AQR: variants seen among roughly 807,000 people sequenced by gnomAD.
AQR encodes the protein RNA helicase aquarius.
AQR carries 61 observed loss-of-function variants against 180.5 expected under a neutral mutation model. The ratio of observed to expected loss-of-function variants is 0.34; its 90% CI spans 0.28 to 0.42. The LOEUF is 0.42. Among genes scored for constraint, AQR ranks in the 10% least tolerant of loss-of-function variants. The pLI, the probability that AQR is intolerant of heterozygous loss-of-function variation, is 1.00. For synonymous variants in AQR, 551 were observed against 588.8 expected, an observed-to-expected ratio of 0.94 and a Z score of 0.93; for missense variants, 1,281 against 1,798.3, an observed-to-expected ratio of 0.71 and a Z score of 5.20.
intron 19 of AQR, 146 bp downstream of exon 19, chr15:34,904,190 T>C: frequency 2.1e-6 from 1 of 467,322 alleles, no homozygotes; most frequent in Non-Finnish European, 3.5e-6. Flanking sequence ...TTGTTAAAAG[T>C]TTAAGAGGAT....
At chr15:34,937,206 T>A (rs957545877) in intron 9 of AQR, among the ~76,000 whole-genome samples, 1 of 151,824 alleles carries the variant, frequency 6.6e-6, no homozygotes, top group Non-Finnish European at 1.5e-5. Context: ...CCTGGCTAAT[T>A]TTTTGTCTTT....
chr15:34,873,765 GA>G, intron 30 of AQR, 62 bp downstream of exon 30: 1 of 1,377,356 alleles, frequency 7.3e-7, no homozygotes. Context: ...AAGTATCACT[GA>G]TTTAGGCATA....
At chr15:34,958,157 G>A (rs1474241397) in intron 3 of AQR, among the ~76,000 whole-genome samples, 3 of 152,098 alleles carry the variant, frequency 2.0e-5, no homozygotes, top group Non-Finnish European at 4.4e-5. Context: ...GCAGTGAGCC[G>A]AGATCATGCC....
At chr15:34,861,584 C>A (rs147163908) in intron 33 of AQR, among the ~76,000 whole-genome samples, 1 of 152,168 alleles carries the variant, frequency 6.6e-6, no homozygotes, top group Admixed American at 6.5e-5. Flanking sequence ...ATAGAAAGCA[C>A]GTGGGGAGCT....
intron 16 of AQR, 43 bp downstream of exon 16, chr15:34,914,995 A>G (rs1455908465): frequency 3.2e-6 from 5 of 1,545,832 alleles, no homozygotes; most frequent in Non-Finnish European, 4.3e-6. Flanking sequence ...TTTATCAGTC[A>G]CTGTTTGCAT....
rs77229498 is a variant in AQR at position 34,930,818 on chromosome 15, C to CTTTTTTT, written c.901-454_901-448dup. ...GGAGATACTTTTTTATACGCCACTT[C>CTTTTTTT]TTTTTTTTTTTTTTTTTTTTTTTTT... On this transcript the variant is annotated intron_variant, in intron 11 of 34. Coordinates refer to ENST00000156471, the MANE Select transcript of AQR (RefSeq NM_014691.3). Among the ~76,000 whole-genome samples, 56 of 84,690 alleles carry CTTTTTTT rather than the reference C, an allele frequency of 6.6e-4. 2 individuals are homozygous for CTTTTTTT. The highest frequency in any genetic ancestry group is 9.0e-4 in the South Asian group (2 of 2,216). The allele number at this position is 84,690 out of a possible 152,430, so 55.6% of individuals were successfully genotyped here. A position where few individuals can be genotyped will look rare whatever the true frequency, so the allele number is the denominator to read the frequency against.
At chr15:34,871,632 G>C (rs993235213) in intron 30 of AQR, among the ~76,000 whole-genome samples, 9 of 151,852 alleles carry the variant, frequency 5.9e-5, no homozygotes, top group Non-Finnish European at 8.8e-5. Flanking sequence ...AATACACCTA[G>C]CAGTATTATA....
At chr15:34,909,228 G>A (rs1893462713) in intron 17 of AQR, among the ~76,000 whole-genome samples, 1 of 152,188 alleles carries the variant, frequency 6.6e-6, no homozygotes, top group Admixed American at 6.5e-5. Flanking sequence ...GAAGGTAAAA[G>A]GAGGTAAAAC....
chr15:34,963,924 A>C (rs1482029833), intron 2 of AQR, among the ~76,000 whole-genome samples: 2 of 152,146 alleles, frequency 1.3e-5, no homozygotes, highest in African/African-American at 4.8e-5. Flanking sequence ...GGCCTCCCAA[A>C]GTGCTGGGAT....
chr15:34,968,414 G>A (rs1595369289), intron 1 of AQR, among the ~76,000 whole-genome samples: 1 of 27,852 alleles, frequency 3.6e-5, no homozygotes, highest in South Asian at 3.1e-3. Context: ...CACCATGCCC[G>A]GCTAATTTTT....
intron 4 of AQR, among the ~76,000 whole-genome samples, chr15:34,949,550 A>G (rs1450055927): frequency 1.4e-5 from 2 of 142,358 alleles, no homozygotes; most frequent in East Asian, 4.4e-4. Context: ...CGGAGATTGC[A>G]GTGAGCCAAC....
intron 2 of AQR, among the ~76,000 whole-genome samples, chr15:34,961,677 A>AAAAC (rs575483804): frequency 8.4e-6 from 1 of 119,508 alleles, no homozygotes; most frequent in Non-Finnish European, 1.9e-5. Context: ...AAAAAAAAAA[A>AAAAC]AGAAAAAAAG....
At chr15:34,968,379 A>G (rs991661960) in intron 1 of AQR, among the ~76,000 whole-genome samples, 1 of 151,496 alleles carries the variant, frequency 6.6e-6, no homozygotes, top group African/African-American at 2.4e-5. Flanking sequence ...CAGCCTCCCG[A>G]GTAGCTGGGA....
At chr15:34,957,783 TA>T (rs901922930) in intron 3 of AQR, among the ~76,000 whole-genome samples, 4 of 136,984 alleles carry the variant, frequency 2.9e-5, no homozygotes, top group African/African-American at 7.8e-5. Context: ...ACATAAAACA[TA>T]AAAAAACATA....
chr15:34,932,238 G>A, intron 11 of AQR, 80 bp downstream of exon 11: 1 of 1,190,062 alleles, frequency 8.4e-7, no homozygotes, highest in Non-Finnish European at 1.2e-6. Context: ...GTTATGCCCT[G>A]ATACTCCCAG....
At chr15:34,861,936 A>ACCC (rs1482631766) in intron 33 of AQR, among the ~76,000 whole-genome samples, 1 of 151,220 alleles carries the variant, frequency 6.6e-6, no homozygotes, top group South Asian at 2.1e-4. Context: ...AATCCAATGG[A>ACCC]CCCCCCTAGG....
At chr15:34,938,388 C>T (rs1330405783) in intron 9 of AQR, among the ~76,000 whole-genome samples, 2 of 151,972 alleles carry the variant, frequency 1.3e-5, no homozygotes, top group Admixed American at 1.3e-4. Context: ...ACAAAACTAA[C>T]TGGGCATGGT....
At position 34,882,602 on chromosome 15, in the gene AQR, T is replaced by C. The variant is rs754173454; in HGVS notation, c.3065A>G (p.Asp1022Gly). 1.9e-6 allele frequency: 3 copies of C among 1,611,010 alleles called. No homozygotes were observed. Among genetic ancestry groups the C allele is most frequent in the South Asian group, 1.1e-5 (1 of 90,452 alleles). Residue 1022 changes from aspartate (D) to glycine (G), a missense_variant, in exon 27 of 35, where the codon GAC (aspartate) becomes GGC (glycine). By Grantham distance (94) the Asp-to-Gly change is moderately conservative. Transcript: ENST00000156471. Reference sequence around the variant, plus strand: ...TTTCACTAAAAGGTATTTAGATCTGTCCAGTCCACTTCGAAGCAATTCAGA... The same window carrying C: ...TTTCACTAAAAGGTATTTAGATCTGCCCAGTCCACTTCGAAGCAATTCAGA... ...RASELLRSGL[D>G]RSKYLLVKEA...
chr15:34,922,385 G>A (rs945307308), intron 13 of AQR, among the ~76,000 whole-genome samples: 2 of 152,050 alleles, frequency 1.3e-5, no homozygotes, highest in African/African-American at 2.4e-5. Context: ...GAATATATCT[G>A]TAAGTGGAAA....
Sources: gnomAD v4.1 joint callset for allele counts (sites outside exome capture counted in the v4.1 genomes callset) on GRCh38, gnomAD v4.1.1 for gene constraint, MANE v1.5 for transcripts, NCBI Gene and HGNC (gene_info 2026-07-23, HGNC 2026-07-21) for gene names.